EXOC4: variants seen among roughly 807,000 people sequenced by gnomAD.
EXOC4 encodes SEC8-like 1.
Under a neutral mutation model 107.2 loss-of-function variants are expected in EXOC4, and 71 were observed. That is an observed-to-expected ratio of 0.66 (90% CI 0.55 to 0.81). The LOEUF (loss-of-function observed/expected upper bound fraction) is 0.81. Ranked by LOEUF, EXOC4 falls within the 30% of genes least tolerant of loss-of-function variation. The pLI, the probability that EXOC4 is intolerant of heterozygous loss-of-function variation, is 0.00. For synonymous variants in EXOC4, 456 were observed against 441.2 expected, an observed-to-expected ratio of 1.03 and a Z score of -0.42; for missense variants, 1,108 against 1,189.6, an observed-to-expected ratio of 0.93 and a Z score of 1.01.
At chr7:133,475,586 T>C in intron 8 of EXOC4, 113 bp downstream of exon 8, 1 of 921,436 alleles carries the variant, frequency 1.1e-6, no homozygotes, top group Non-Finnish European at 1.6e-6. Context: ...TTGAAGTAAT[T>C]TAGAGGAAGT....
chr7:133,937,325 A>G (rs555820637), intron 13 of EXOC4, among the ~76,000 whole-genome samples: 2 of 152,274 alleles, frequency 1.3e-5, no homozygotes, highest in South Asian at 4.1e-4. Context: ...ATGCCTTAAT[A>G]CTTATACTTT....
the EXOC4 span, among the ~76,000 whole-genome samples, chr7:134,082,038 C>T: frequency 6.6e-6 from 1 of 152,138 alleles, no homozygotes; most frequent in African/African-American, 2.4e-5. Flanking sequence ...ATCCAGACCC[C>T]AAGAGAGGGT....
At chr7:133,617,407 T>A (rs1585034879) in intron 9 of EXOC4, among the ~76,000 whole-genome samples, 1 of 152,248 alleles carries the variant, frequency 6.6e-6, no homozygotes, top group East Asian at 1.9e-4. Flanking sequence ...ATGAAAAAAC[T>A]AAAAATGCCA....
At chr7:133,257,489 G>T (rs1795046427) in intron 1 of EXOC4, among the ~76,000 whole-genome samples, 1 of 152,224 alleles carries the variant, frequency 6.6e-6, no homozygotes, top group Non-Finnish European at 1.5e-5. Flanking sequence ...AAATAAGAAA[G>T]ATGGCATTTT....
Position 133,986,922 on chromosome 7 carries a change from G to A in EXOC4, c.2207-10570G>A, listed in dbSNP as rs77049514. Among the ~76,000 whole-genome samples the A allele has an allele frequency of 3.7e-4, 57 of 152,272 alleles. 1 individual carries two copies. In the East Asian group the frequency reaches 0.01, roughly 28 times the overall value. On this transcript the variant is annotated intron_variant, in intron 14 of 17. Coordinates refer to ENST00000253861, the MANE Select transcript of EXOC4 (RefSeq NM_021807.4). ...AGCATATCCCTTAGGCATTTAAGGA[G>A]AGGAAAGAAGTTAGATGGAGGGGCT...
rs146003781 is a variant in EXOC4, at chr7:133,316,096, G to A, written c.657-1188G>A. ...CAGTGTGAAATTATCACTTGAACCC[G>A]AATTATCACTTAACAAACTTTATTT... On this transcript the variant is annotated intron_variant, in intron 4 of 17. Coordinates refer to ENST00000253861, the MANE Select transcript of EXOC4 (RefSeq NM_021807.4). Among the ~76,000 whole-genome samples, 576 of 152,198 alleles carry A rather than the reference G, an allele frequency of 3.8e-3. 3 individuals are homozygous for A. The highest frequency in any genetic ancestry group is 6.3e-3 in the Non-Finnish European group (426 of 67,992).
chr7:134,080,410 T>TTTGTTGTTGTTG, the EXOC4 span, among the ~76,000 whole-genome samples: 21 of 151,238 alleles, frequency 1.4e-4, no homozygotes, highest in South Asian at 6.3e-4. Context: ...TATTAATAAG[T>TTTGTTGTTGTTG]TTGTTGTTGT....
At chr7:133,833,622 G>T (rs949305806) in intron 11 of EXOC4, among the ~76,000 whole-genome samples, 1 of 152,168 alleles carries the variant, frequency 6.6e-6, no homozygotes, top group African/African-American at 2.4e-5. Flanking sequence ...GAGAGCAGTA[G>T]TACAGTCATG....
intron 14 of EXOC4, among the ~76,000 whole-genome samples, chr7:133,951,533 A>G (rs1431867100): frequency 6.6e-6 from 1 of 152,166 alleles, no homozygotes; most frequent in Non-Finnish European, 1.5e-5. Flanking sequence ...ATTTGCCCAT[A>G]GTGGTACTCA....
intron 11 of EXOC4, among the ~76,000 whole-genome samples, chr7:133,824,046 G>A (rs1797639928): frequency 1.4e-5 from 2 of 147,806 alleles, no homozygotes; most frequent in Non-Finnish European, 3.0e-5. Flanking sequence ...AGACACAAAT[G>A]GATTTAAATC....
intron 11 of EXOC4, among the ~76,000 whole-genome samples, chr7:133,856,122 GACACAGGAA>G (rs1207720150): frequency 2.0e-5 from 3 of 152,196 alleles, no homozygotes; most frequent in African/African-American, 7.2e-5. Context: ...TTTGGAATGA[GACACAGGAA>G]CAGATTCCAG....
intron 5 of EXOC4, among the ~76,000 whole-genome samples, chr7:133,323,880 A>T (rs1188201177): frequency 6.6e-6 from 1 of 152,090 alleles, no homozygotes; most frequent in African/African-American, 2.4e-5. Flanking sequence ...TTATTGCCTC[A>T]ATTTCAGAGC....
At chr7:133,293,920 G>A (rs2345065) in intron 3 of EXOC4, among the ~76,000 whole-genome samples, 12,129 of 152,224 alleles carry the variant, frequency 0.08, 890 homozygotes, top group African/African-American at 0.19. Flanking sequence ...TGCAGTCATT[G>A]TGCTGGGTTG....
chr7:133,893,474 G>T (rs1799235705), intron 11 of EXOC4, among the ~76,000 whole-genome samples: 1 of 59,200 alleles, frequency 1.7e-5, no homozygotes, highest in Non-Finnish European at 2.8e-5. Flanking sequence ...TCATTATGAT[G>T]TTAGCTGGTG....
intron 9 of EXOC4, among the ~76,000 whole-genome samples, chr7:133,612,702 G>A (rs1802097897): frequency 6.6e-6 from 1 of 152,176 alleles, no homozygotes; most frequent in South Asian, 2.1e-4. Context: ...GGAGGCAGAT[G>A]GTGGTGGCTT....
At chr7:133,918,880 G>T (rs1213977824) in intron 13 of EXOC4, among the ~76,000 whole-genome samples, 2 of 152,168 alleles carry the variant, frequency 1.3e-5, no homozygotes, top group Non-Finnish European at 2.9e-5. Context: ...ACAAAGACTA[G>T]AAGAGGAATA....
At chr7:133,528,129 C>G (rs770959000) in intron 9 of EXOC4, among the ~76,000 whole-genome samples, 2 of 152,164 alleles carry the variant, frequency 1.3e-5, no homozygotes, top group Admixed American at 6.5e-5. Flanking sequence ...AGTGAAGACT[C>G]ACCTGATAAT....
intron 7 of EXOC4, among the ~76,000 whole-genome samples, chr7:133,406,932 T>G (rs1797234100): frequency 6.6e-6 from 1 of 152,178 alleles, no homozygotes; most frequent in Admixed American, 6.5e-5. Context: ...AACCTTATGC[T>G]CTTTATTAGG....
chr7:134,052,580 A>G (rs954991636), intron 17 of EXOC4, among the ~76,000 whole-genome samples: 1 of 152,178 alleles, frequency 6.6e-6, no homozygotes, highest in Admixed American at 6.5e-5. Flanking sequence ...AATACAGACT[A>G]CAGAGGAGGA....
Sources: gnomAD v4.1 joint callset for allele counts (sites outside exome capture counted in the v4.1 genomes callset) on GRCh38, gnomAD v4.1.1 for gene constraint, MANE v1.5 for transcripts, NCBI Gene and HGNC (gene_info 2026-07-23, HGNC 2026-07-21) for gene names.